Variants in PTPRT observed in about 807,000 individuals in gnomAD.
PTPRT encodes the protein receptor-type tyrosine-protein phosphatase T.
Under a neutral mutation model 176.8 loss-of-function variants are expected in PTPRT, and 56 were observed. The ratio of observed to expected loss-of-function variants is 0.32; its 90% CI spans 0.26 to 0.40. The LOEUF is 0.40. Ranked by LOEUF, PTPRT falls within the 10% of genes least tolerant of loss-of-function variation. The pLI, the probability that PTPRT is intolerant of heterozygous loss-of-function variation, is 1.00. For synonymous variants in PTPRT, 783 were observed against 739.0 expected, an observed-to-expected ratio of 1.06 and a Z score of -0.96; for missense variants, 1,540 against 1,908.2, an observed-to-expected ratio of 0.81 and a Z score of 3.60.
chr20:43,032,309 TA>T (rs1326364831), intron 1 of PTPRT, among the ~76,000 whole-genome samples: 1 of 152,004 alleles, frequency 6.6e-6, no homozygotes, highest in Non-Finnish European at 1.5e-5. Flanking sequence ...CTATAGTGGG[TA>T]ACATATTGAG....
At chr20:42,502,951 T>C (rs2071777752) in intron 7 of PTPRT, among the ~76,000 whole-genome samples, 3 of 152,230 alleles carry the variant, frequency 2.0e-5, no homozygotes, top group South Asian at 4.1e-4. Context: ...TTCTAATTAA[T>C]TGCAAATACT....
At chr20:42,441,075 C>T (rs944956159) in intron 9 of PTPRT, among the ~76,000 whole-genome samples, 12 of 152,168 alleles carry the variant, frequency 7.9e-5, no homozygotes, top group Non-Finnish European at 1.3e-4. Flanking sequence ...TCTGTCAAAC[C>T]GTGGTCCAGC....
chr20:43,164,751 T>C (rs959095125), intron 1 of PTPRT, among the ~76,000 whole-genome samples: 1 of 152,234 alleles, frequency 6.6e-6, no homozygotes, highest in African/African-American at 2.4e-5. Flanking sequence ...TGGGCAGGGC[T>C]CTGCTCCAAT....
intron 6 of PTPRT, among the ~76,000 whole-genome samples, chr20:42,715,134 G>A (rs1477222951): frequency 1.3e-5 from 2 of 152,122 alleles, no homozygotes; most frequent in Non-Finnish European, 2.9e-5. Flanking sequence ...TCCTAACAAA[G>A]TATAAGACAA....
intron 1 of PTPRT, among the ~76,000 whole-genome samples, chr20:43,022,759 T>TA (rs1985746005): frequency 6.6e-6 from 1 of 152,000 alleles, no homozygotes; most frequent in African/African-American, 2.4e-5. Context: ...AACAGCTGGG[T>TA]AAAAAAGCAT....
chr20:42,610,385 T>C (rs1040693130), intron 7 of PTPRT, among the ~76,000 whole-genome samples: 1 of 150,254 alleles, frequency 6.7e-6, no homozygotes, highest in Non-Finnish European at 1.5e-5. Flanking sequence ...TTTTGTTTTT[T>C]TTTTTTGTTT....
intron 12 of PTPRT, among the ~76,000 whole-genome samples, chr20:42,294,279 G>A (rs1031656230): frequency 3.5e-4 from 53 of 152,062 alleles, no homozygotes; most frequent in African/African-American, 1.2e-3. Context: ...TAAGAGTACA[G>A]GAAAAGGACT....
chr20:42,911,059 A>G (rs1026464107), intron 1 of PTPRT, among the ~76,000 whole-genome samples: 4 of 152,252 alleles, frequency 2.6e-5, no homozygotes, highest in African/African-American at 9.6e-5. Flanking sequence ...CCCATGATTC[A>G]ATTACCTCCA....
chr20:42,084,783 G>A lies in PTPRT; in HGVS notation c.4035C>T (p.Asp1345=), dbSNP rs781591324. 5.1e-6 allele frequency: 8 copies of A among 1,554,782 alleles called. No individual in the cohort carries two copies. The Middle Eastern group carries it at 5.1e-4, about 99-fold the overall frequency. The change falls in exon 29 of 31, where the codon GAC becomes GAT. Residue 1345 remains aspartate (D), a synonymous_variant. Coordinates refer to ENST00000373187, the MANE Select transcript of PTPRT (RefSeq NM_007050.6). The part of the protein sequence containing the change: ...LQYIGWPAYR[D]TPPSKRSLLK... ...GCAGAGAGCGCTTGGAGGGGGGCGT[G>A]TCCCGGTAGGCAGGCCAGCCAATGT...
At chr20:43,004,610 G>A (rs191276382) in intron 1 of PTPRT, among the ~76,000 whole-genome samples, 1 of 152,282 alleles carries the variant, frequency 6.6e-6, no homozygotes, top group Admixed American at 6.5e-5. Context: ...ATAAGGCATA[G>A]CTTCTAACAG....
downstream of PTPRT, among the ~76,000 whole-genome samples, chr20:42,072,347 C>T (rs1182824882): frequency 1.3e-5 from 2 of 152,186 alleles, no homozygotes; most frequent in African/African-American, 4.8e-5. Context: ...AAATATTTTT[C>T]TTTCAAGTTA....
At chr20:42,801,555 T>C (rs2077531243) in intron 2 of PTPRT, among the ~76,000 whole-genome samples, 1 of 152,216 alleles carries the variant, frequency 6.6e-6, no homozygotes, top group African/African-American at 2.4e-5. Context: ...ACTATGTGTC[T>C]GACACTAGGG....
At chr20:43,132,370 A>C (rs571453287) in intron 1 of PTPRT, among the ~76,000 whole-genome samples, 1 of 152,346 alleles carries the variant, frequency 6.6e-6, no homozygotes, top group South Asian at 2.1e-4. Context: ...TATTTCTCAA[A>C]AGAGTAAAAA....
chr20:42,083,948 A>G (rs1454776988), intron 29 of PTPRT, among the ~76,000 whole-genome samples: 9 of 152,248 alleles, frequency 5.9e-5, no homozygotes, highest in Admixed American at 5.9e-4. Flanking sequence ...TTGCTCTTTT[A>G]AGTAATTACA....
the PTPRT span, among the ~76,000 whole-genome samples, chr20:42,051,221 A>G: frequency 6.6e-6 from 1 of 152,162 alleles, no homozygotes; most frequent in Non-Finnish European, 1.5e-5. Context: ...AAGCCCTGAA[A>G]ACAGCAGTGT....
chr20:42,580,998 T>G (rs1017529882), intron 7 of PTPRT, among the ~76,000 whole-genome samples: 2 of 152,164 alleles, frequency 1.3e-5, no homozygotes, highest in Non-Finnish European at 2.9e-5. Flanking sequence ...TTGCAAGTTC[T>G]TGTCTCCAGG....
intron 2 of PTPRT, among the ~76,000 whole-genome samples, chr20:42,865,324 C>T (rs1442827762): frequency 6.6e-6 from 1 of 152,202 alleles, no homozygotes; most frequent in Admixed American, 6.5e-5. Context: ...TCTCCTGAGA[C>T]CCACTGAGCA....
At chr20:42,047,505 G>A in the PTPRT span, among the ~76,000 whole-genome samples, 2 of 152,178 alleles carry the variant, frequency 1.3e-5, no homozygotes, top group South Asian at 2.1e-4. Context: ...GAATCATATC[G>A]TGATGAATTG....
intron 6 of PTPRT, among the ~76,000 whole-genome samples, chr20:42,698,451 G>A (rs1600629099): frequency 6.6e-6 from 1 of 152,062 alleles, no homozygotes; most frequent in Non-Finnish European, 1.5e-5. Context: ...TTCCAACTAA[G>A]GTCCAAGTAC....
Sources: allele counts gnomAD v4.1 joint callset (sites outside exome capture counted in the v4.1 genomes callset), GRCh38; gene constraint gnomAD v4.1.1; transcripts MANE v1.5; gene names NCBI Gene and HGNC (gene_info 2026-07-23, HGNC 2026-07-21).